LRRC4B: variants seen among roughly 807,000 people sequenced by gnomAD.
LRRC4B encodes the protein leucine rich repeat containing 4B, also known as leucine-rich repeat-containing protein 4B.
In LRRC4B, 1 loss-of-function variant was observed where a neutral mutation model predicts 7.3. The observed-to-expected ratio is 0.14, with a 90% confidence interval of 0.05 to 0.65. LRRC4B has a LOEUF of 0.65. Among genes scored for constraint, LRRC4B ranks in the 30% least tolerant of loss-of-function variants. LRRC4B has a pLI of 0.84. For synonymous variants in LRRC4B, 500 were observed against 499.2 expected (o/e 1.00, Z -0.02); for missense variants, 730 against 1,041.6 (o/e 0.70, Z 4.12).
In LRRC4B at chr19:50,553,867, T is replaced by A. The variant is rs1264784324; in HGVS notation, c.-35-4994A>T. Reference sequence around the variant, plus strand: ...CACGCTCACACACAGATACCCCCACTCTCCGTTCTGCACACCGAGCCAGGC... The same window carrying A: ...CACGCTCACACACAGATACCCCCACACTCCGTTCTGCACACCGAGCCAGGC... On this transcript the variant is annotated intron_variant, in intron 1 of 2. Transcript: ENST00000652263. The surrounding 1 kb of genome is among the most constrained non-coding windows in gnomAD (Gnocchi z 4.2). Among the ~76,000 whole-genome samples, 1 of 151,196 alleles carries A rather than the reference T, an allele frequency of 6.6e-6. No individual in the cohort carries two copies. Among genetic ancestry groups the A allele is most frequent in the Admixed American group, 6.6e-5 (1 of 15,150 alleles).
At chr19:50,552,577 CGTCCATCCATCT>C (rs1982112895) in intron 1 of LRRC4B, among the ~76,000 whole-genome samples, 1 of 151,304 alleles carries the variant, frequency 6.6e-6, no homozygotes, top group Non-Finnish European at 1.5e-5. Flanking sequence ...TCCACCCATC[CGTCCATCCATCT>C]GTCCATCCAT....
intron 2 of LRRC4B, among the ~76,000 whole-genome samples, chr19:50,531,759 G>A (rs1981069034): frequency 6.6e-6 from 1 of 152,120 alleles, no homozygotes; most frequent in Non-Finnish European, 1.5e-5. Flanking sequence ...GGTGGCCTCG[G>A]GCAAGTGTCC....
rs952895176 is a variant in LRRC4B, at chr19:50,553,241, C to T, written c.-35-4368G>A. ...CATTTCTGCCTTCACCCCCACTCCC[C>T]GTGCGTTCCCCACGGGCAGCGAGGG... On this transcript the variant is annotated intron_variant, in intron 1 of 2. Coordinates refer to ENST00000652263, the MANE Select transcript of LRRC4B (RefSeq NM_001080457.2). This position sits in a 1 kb window ranked among gnomAD's most constrained non-coding sequence, Gnocchi z 4.2. Among the ~76,000 whole-genome samples the T allele has an allele frequency of 6.6e-6, 1 of 152,164 alleles. No individual in the cohort carries two copies. Among genetic ancestry groups the T allele is most frequent in the Non-Finnish European group, 1.5e-5 (1 of 68,022 alleles).
At chr19:50,530,088 A>T (rs1227497276) in intron 2 of LRRC4B, among the ~76,000 whole-genome samples, 6 of 151,792 alleles carry the variant, frequency 4.0e-5, no homozygotes, top group Admixed American at 3.9e-4. Context: ...AATGCCTTGC[A>T]GCGCACTCCC....
At position 50,563,203 on chromosome 19, in the gene LRRC4B, C is replaced by T. The variant is rs1245643295; in HGVS notation, c.-36+4741G>A. On this transcript the variant is annotated intron_variant, in intron 1 of 2. Transcript: ENST00000652263. The surrounding 1 kb of genome is among the most constrained non-coding windows in gnomAD (Gnocchi z 4.9). ...CCTCTCGTGGGTCTCCAAGGCAGCC[C>T]CTCCACCTCTGCCTGCCATGACAAC... Among the ~76,000 whole-genome samples, 1 of 152,208 alleles carries T rather than the reference C, an allele frequency of 6.6e-6. No individual in the cohort carries two copies. The highest frequency in any genetic ancestry group is 1.5e-5 in the Non-Finnish European group (1 of 68,036).
chr19:50,563,784 T>A lies in LRRC4B; in HGVS notation c.-36+4160A>T, dbSNP rs1982544239. 6.6e-6 allele frequency among the ~76,000 whole-genome samples: 1 copy of A among 152,230 alleles called. No homozygotes were observed. The highest frequency in any genetic ancestry group is 2.4e-5 in the African/African-American group (1 of 41,470). ...CTGACTTTCCAACACTGTGAGGGGC[T>A]GGCAGTTTCACAGCAGATCCTGGTC... On this transcript the variant is annotated intron_variant, in intron 1 of 2. Coordinates refer to ENST00000652263, the MANE Select transcript of LRRC4B (RefSeq NM_001080457.2). This position sits in a 1 kb window ranked among gnomAD's most constrained non-coding sequence, Gnocchi z 4.9.
At position 50,548,602 on chromosome 19, in the gene LRRC4B, C is replaced by G. The variant is rs1418524380; in HGVS notation, c.237G>C (p.Glu79Asp). ...RVICTRRDLA[E>D]VPASIPVNTR... ...TGTTGACCGGGATGCTGGCTGGGAC[C>G]TCGGCCAGGTCTCTCCGTGTGCAGA... Residue 79 changes from glutamate (E) to aspartate (D), a missense_variant, in exon 2 of 3, where the codon GAG becomes GAC. Glu to Asp is a conservative substitution (Grantham distance 45, BLOSUM62 2). Transcript: ENST00000652263. This position sits in a 1 kb window ranked among gnomAD's most constrained non-coding sequence, Gnocchi z 6.8. 6.2e-7 allele frequency: 1 copy of G among 1,602,168 alleles called. No individual in the cohort carries two copies. The highest frequency in any genetic ancestry group is 1.7e-5 in the Admixed American group (1 of 59,204).
In LRRC4B at chr19:50,518,387, G is replaced by A. The variant is rs1484260920; in HGVS notation, c.1326C>T (p.Ala442=). ...GCGTGGCCGAGGCGGTGGTGTTGCC[G>A]GCTGAGTTCGTCACCATGCACGTGT... The part of the protein sequence containing the change: ...GQYTCMVTNS[A]GNTTASATLN... The change falls in exon 3 of 3, where the codon GCC becomes GCT. Residue 442 remains alanine, a synonymous_variant. Coordinates refer to ENST00000652263, the MANE Select transcript of LRRC4B (RefSeq NM_001080457.2). 5 of 1,585,798 alleles carry A rather than the reference G, an allele frequency of 3.2e-6. No individual in the cohort carries two copies. Among genetic ancestry groups the A allele is most frequent in the Non-Finnish European group, 2.6e-6 (3 of 1,168,514 alleles).
At position 50,537,384 on chromosome 19, in the gene LRRC4B, A is replaced by G. The variant is rs549552290; in HGVS notation, c.297+11158T>C. Among the ~76,000 whole-genome samples, 10 of 152,300 alleles carry G rather than the reference A, an allele frequency of 6.6e-5. No individual in the cohort carries two copies. The highest frequency in any genetic ancestry group is 2.4e-4 in the African/African-American group (10 of 41,556). ...GGCTTGGAGCAATGCTGGGGGCCCG[A>G]CTGACATTCTCCCGCCCACCCTCGC... On this transcript the variant is annotated intron_variant, in intron 2 of 2. Transcript: ENST00000652263. The surrounding 1 kb of genome is among the most constrained non-coding windows in gnomAD (Gnocchi z 5.5).
chr19:50,529,253 G>A lies in LRRC4B; in HGVS notation c.298-9838C>T, dbSNP rs113190657. Among the ~76,000 whole-genome samples, 869 of 152,166 alleles carry A rather than the reference G, an allele frequency of 5.7e-3. 9 individuals carry two copies. The highest frequency in any genetic ancestry group is 0.02 in the African/African-American group (831 of 41,502). The stretch of plus-strand genomic sequence containing the variant: ...TCCCCGAGACTCCAGTGCACCTGGC[G>A]TGTTGAAGCTCCGTGAAGCCCAGTG... On this transcript the variant is annotated intron_variant, in intron 2 of 2. Transcript: ENST00000652263.
chr19:50,521,502 A>G (rs771992690), intron 2 of LRRC4B, among the ~76,000 whole-genome samples: 26 of 152,164 alleles, frequency 1.7e-4, no homozygotes, highest in Non-Finnish European at 3.4e-4. Context: ...ATCTCGGCTC[A>G]CTGTAACCTC....
At chr19:50,560,643 G>C (rs1459522838) in intron 1 of LRRC4B, among the ~76,000 whole-genome samples, 1 of 152,194 alleles carries the variant, frequency 6.6e-6, no homozygotes, top group African/African-American at 2.4e-5. Flanking sequence ...AAACTGGGTT[G>C]AAACTCTGGC....
chr19:50,519,080 G>A lies in LRRC4B; in HGVS notation c.633C>T (p.Tyr211=), dbSNP rs1383470750. The part of the protein sequence containing the change: ...AAFEGLVNLR[Y]LNLGMCNLKD... Reference sequence around the variant, plus strand: ...TGAGGTTGCACATGCCCAGGTTGAGGTAGCGCAGGTTGACCAGCCCCTCGA... The same window carrying A: ...TGAGGTTGCACATGCCCAGGTTGAGATAGCGCAGGTTGACCAGCCCCTCGA... The change falls in exon 3 of 3, where the codon TAC becomes TAT. Residue 211 remains tyrosine, a synonymous_variant. Transcript: ENST00000652263. This position sits in a 1 kb window ranked among gnomAD's most constrained non-coding sequence, Gnocchi z 8.1. The A allele has an allele frequency of 6.2e-7, 1 of 1,609,122 alleles. No individual in the cohort carries two copies. Among genetic ancestry groups the A allele is most frequent in the Non-Finnish European group, 8.5e-7 (1 of 1,179,934 alleles).
In LRRC4B at chr19:50,518,048, C is replaced by T. The variant is rs764185136; in HGVS notation, c.1665G>A (p.Val555=). 1.3e-6 allele frequency: 2 copies of T among 1,576,636 alleles called. No homozygotes were observed. Among genetic ancestry groups the T allele is most frequent in the East Asian group, 2.3e-5 (1 of 44,444 alleles). Residue 555 remains valine (V), a synonymous_variant, in exon 3 of 3, where the codon GTG becomes GTA. Coordinates refer to ENST00000652263, the MANE Select transcript of LRRC4B (RefSeq NM_001080457.2). ...CGTTCTCCGTCACATCCGTGATGGG[C>T]ACCGTGAACGCCTTCTCCGTGGGCC... ...SSRPTEKAFT[V]PITDVTENAL...
intron 2 of LRRC4B, among the ~76,000 whole-genome samples, chr19:50,535,235 T>A (rs1225064203): frequency 6.6e-6 from 1 of 150,628 alleles, no homozygotes; most frequent in African/African-American, 2.4e-5. Flanking sequence ...TGCAGTGGCA[T>A]GATTTCAGCT....
intron 2 of LRRC4B, among the ~76,000 whole-genome samples, chr19:50,545,505 A>C (rs796392085): frequency 8.1e-4 from 122 of 150,424 alleles, no homozygotes; most frequent in African/African-American, 2.8e-3. Context: ...CACTTGAGCC[A>C]GGGAAGTTAA....
chr19:50,522,100 C>T (rs918329577), intron 2 of LRRC4B, among the ~76,000 whole-genome samples: 2 of 152,208 alleles, frequency 1.3e-5, no homozygotes, highest in African/African-American at 4.8e-5. Flanking sequence ...ATCGCCTGAG[C>T]CCAGGAGGCC....
At chr19:50,522,996 C>A (rs975109891) in intron 2 of LRRC4B, among the ~76,000 whole-genome samples, 1 of 152,220 alleles carries the variant, frequency 6.6e-6, no homozygotes, top group Non-Finnish European at 1.5e-5. Flanking sequence ...CAAGGTCACA[C>A]AGAAGTGGAC....
chr19:50,546,651 G>A (rs1237118628), intron 2 of LRRC4B, among the ~76,000 whole-genome samples: 3 of 152,260 alleles, frequency 2.0e-5, no homozygotes, highest in South Asian at 2.1e-4. Context: ...CGGAGGGAGC[G>A]GGCCTGTGCA....
Sources: allele counts gnomAD v4.1 joint callset (sites outside exome capture counted in the v4.1 genomes callset), GRCh38; gene constraint gnomAD v4.1.1; non-coding constraint Gnocchi (gnomAD v3.1); transcripts MANE v1.5; gene names NCBI Gene and HGNC (gene_info 2026-07-23, HGNC 2026-07-21).